Variants in TUSC3 observed in about 807,000 individuals in gnomAD.
TUSC3 encodes dolichyl-diphosphooligosaccharide--protein glycosyltransferase subunit TUSC3.
TUSC3 carries 45 observed loss-of-function variants against 44.8 expected under a neutral mutation model. That is an observed-to-expected ratio of 1.00 (90% CI 0.79 to 1.29). The LOEUF (loss-of-function observed/expected upper bound fraction) is 1.29. Ranked by LOEUF, TUSC3 falls within the 50% of genes most tolerant of loss-of-function variation. TUSC3 has a pLI of 0.00. For synonymous variants in TUSC3, 212 were observed against 152.9 expected (o/e 1.39, Z -2.85); for missense variants, 519 against 437.9 (o/e 1.19, Z -1.65).
chr8:15,465,188 G>A (rs1357453362), intron 1 of TUSC3, among the ~76,000 whole-genome samples: 2 of 152,128 alleles, frequency 1.3e-5, no homozygotes, highest in East Asian at 1.9e-4. Flanking sequence ...GAGAATTTAA[G>A]AAATTTTCCA....
At chr8:15,507,824 G>A (rs1801077784) in intron 2 of TUSC3, among the ~76,000 whole-genome samples, 2 of 152,076 alleles carry the variant, frequency 1.3e-5, no homozygotes, top group Admixed American at 1.3e-4. Context: ...TAAAAAAAAG[G>A]CAAAGTGAAC....
At chr8:15,441,990 A>C (rs1800026792) in intron 1 of TUSC3, among the ~76,000 whole-genome samples, 1 of 152,254 alleles carries the variant, frequency 6.6e-6, no homozygotes. Context: ...TTTCCCGATA[A>C]GTTGGTTTGT....
At chr8:15,664,733 T>A (rs1318313905) in intron 5 of TUSC3, among the ~76,000 whole-genome samples, 1 of 149,672 alleles carries the variant, frequency 6.7e-6, no homozygotes, top group Non-Finnish European at 1.5e-5. Flanking sequence ...ACAGAGATAC[T>A]TATGTTTGAT....
chr8:15,820,481 A>C, the TUSC3 span, among the ~76,000 whole-genome samples: 3 of 151,844 alleles, frequency 2.0e-5, no homozygotes, highest in Non-Finnish European at 4.4e-5. Context: ...CACCACGCCC[A>C]GCTAATTTTT....
At chr8:15,628,537 G>A (rs1408617055) in intron 2 of TUSC3, among the ~76,000 whole-genome samples, 2 of 152,072 alleles carry the variant, frequency 1.3e-5, no homozygotes. Context: ...AATTTAATGG[G>A]TCAGTGTCGG....
intron 1 of TUSC3, among the ~76,000 whole-genome samples, chr8:15,568,103 C>G (rs997136341): frequency 5.3e-5 from 8 of 152,126 alleles, no homozygotes; most frequent in Admixed American, 2.0e-4. Context: ...TAGAGCCATT[C>G]TCTGAGATTT....
chr8:15,758,143 A>G, intron 10 of TUSC3: 9 of 1,132,390 alleles, frequency 7.9e-6, no homozygotes, highest in East Asian at 4.9e-5. Flanking sequence ...TCTGTTTGTT[A>G]TCACTTAGGG....
chr8:15,632,412 A>C (rs1045049362), intron 2 of TUSC3, among the ~76,000 whole-genome samples: 1 of 152,172 alleles, frequency 6.6e-6, no homozygotes, highest in Non-Finnish European at 1.5e-5. Flanking sequence ...CAGGAGGCCC[A>C]TAATATTAGC....
chr8:15,556,502 C>T (rs1802271827), intron 1 of TUSC3, among the ~76,000 whole-genome samples: 1 of 151,082 alleles, frequency 6.6e-6, no homozygotes, highest in South Asian at 2.1e-4. Context: ...GATTTATAGT[C>T]CTTTGGGTAT....
intron 1 of TUSC3, among the ~76,000 whole-genome samples, chr8:15,446,142 G>A (rs1388933356): frequency 1.3e-5 from 2 of 152,040 alleles, no homozygotes; most frequent in East Asian, 2.0e-4. Context: ...TCGCGGCCGG[G>A]CAGAGGCGCT....
chr8:15,582,728 A>C (rs1171815293), intron 1 of TUSC3, among the ~76,000 whole-genome samples: 2 of 152,216 alleles, frequency 1.3e-5, no homozygotes, highest in African/African-American at 4.8e-5. Context: ...GTGTAACCTG[A>C]AACCAGTTTT....
chr8:15,491,944 C>T (rs983994594), intron 2 of TUSC3, among the ~76,000 whole-genome samples: 27 of 152,196 alleles, frequency 1.8e-4, no homozygotes, highest in African/African-American at 5.8e-4. Context: ...ATACTCTTTA[C>T]CGTGGCTACT....
At chr8:15,466,810 C>T (rs112229003) in intron 1 of TUSC3, among the ~76,000 whole-genome samples, 1 of 152,084 alleles carries the variant, frequency 6.6e-6, no homozygotes, top group Non-Finnish European at 1.5e-5. Context: ...TGGGCATGTA[C>T]ATCTCCATGT....
chr8:15,450,744 G>A (rs368330858), intron 1 of TUSC3, among the ~76,000 whole-genome samples: 34 of 152,254 alleles, frequency 2.2e-4, no homozygotes, highest in Non-Finnish European at 4.1e-4. Flanking sequence ...TAACACAGAA[G>A]TTCTACTAAT....
intron 1 of TUSC3, among the ~76,000 whole-genome samples, chr8:15,619,013 A>C (rs997813497): frequency 6.6e-6 from 1 of 152,242 alleles, no homozygotes; most frequent in Non-Finnish European, 1.5e-5. Context: ...CTCTACCACT[A>C]GTCACAAGTC....
intron 2 of TUSC3, 46 bp from the exon 3 acceptor site, chr8:15,650,651 G>A (rs767166632): frequency 2.0e-6 from 3 of 1,529,780 alleles, no homozygotes; most frequent in Non-Finnish European, 2.7e-6. Flanking sequence ...CTTTGTAGAT[G>A]CTTCAGTACT....
At chr8:15,684,909 C>G (rs1003711436) in intron 6 of TUSC3, among the ~76,000 whole-genome samples, 4 of 152,162 alleles carry the variant, frequency 2.6e-5, no homozygotes, top group South Asian at 2.1e-4. Context: ...TGTGGGCACA[C>G]TTCTGCAAGA....
chr8:15,570,456 A>G (rs1010719643), intron 1 of TUSC3, among the ~76,000 whole-genome samples: 1 of 152,034 alleles, frequency 6.6e-6, no homozygotes, highest in African/African-American at 2.4e-5. Context: ...GGCCTATGTC[A>G]TTTTTTTCCC....
At chr8:15,825,885 C>CTTTTTTT in the TUSC3 span, among the ~76,000 whole-genome samples, 6 of 120,390 alleles carry the variant, frequency 5.0e-5, no homozygotes, top group African/African-American at 5.7e-5. Context: ...ACAGTTGTTT[C>CTTTTTTT]TTTTTTTTTT....
Sources: allele counts gnomAD v4.1 joint callset (sites outside exome capture counted in the v4.1 genomes callset), GRCh38; gene constraint gnomAD v4.1.1; transcripts MANE v1.5; gene names NCBI Gene and HGNC (gene_info 2026-07-23, HGNC 2026-07-21).